CRIM1: variants seen among roughly 807,000 people sequenced by gnomAD.
CRIM1 encodes cysteine rich transmembrane BMP regulator 1.
In CRIM1, 32 loss-of-function variants were observed where a neutral mutation model predicts 116.4. That is an observed-to-expected ratio of 0.27 (90% CI 0.21 to 0.37). The LOEUF (loss-of-function observed/expected upper bound fraction) is 0.37, where lower values mean the gene tolerates loss of function less well. CRIM1 is among the 10% of genes least tolerant of loss of function. The probability of loss-of-function intolerance (pLI) is 1.00; values close to 1 mark genes in which losing one functional copy is unlikely to be tolerated. For synonymous variants in CRIM1, 590 were observed against 509.2 expected (o/e 1.16, Z -2.13); for missense variants, 1,331 against 1,354.8 (o/e 0.98, Z 0.28).
intron 1 of CRIM1, among the ~76,000 whole-genome samples, chr2:36,390,772 A>G (rs1671513279): frequency 6.6e-6 from 1 of 152,104 alleles, no homozygotes; most frequent in Non-Finnish European, 1.5e-5. Flanking sequence ...ATATACTGGT[A>G]AGACTTAACT....
Position 36,477,044 on chromosome 2 carries a change from G to C in CRIM1, c.1147G>C (p.Glu383Gln). ...EINCERYYVP[E>Q]GECCPVCEDP... ...AAACTGCGAGAGGTACTACGTGCCC[G>C]AAGGAGAGTGCTGCCCAGTGTGTGA... is the stretch of plus-strand genomic sequence containing the variant. Residue 383 changes from glutamate (E) to glutamine (Q), a missense_variant, in exon 6 of 17, where the codon GAA (glutamate) becomes CAA (glutamine). This residue lies in a region of CRIM1 where 690 missense variants were observed against 676.0 expected (regional missense o/e 1.02). Transcript: ENST00000280527. 1 of 1,613,600 alleles carries C rather than the reference G, an allele frequency of 6.2e-7. No homozygotes were observed. The highest frequency in any genetic ancestry group is 1.3e-5 in the African/African-American group (1 of 75,018).
At chr2:36,436,643 A>T (rs1675334388) in intron 2 of CRIM1, among the ~76,000 whole-genome samples, 1 of 152,326 alleles carries the variant, frequency 6.6e-6, no homozygotes, top group South Asian at 2.1e-4. Flanking sequence ...TATATGTAAT[A>T]AACAGAGGAT....
At chr2:36,423,073 A>T (rs1674190282) in intron 2 of CRIM1, among the ~76,000 whole-genome samples, 1 of 152,212 alleles carries the variant, frequency 6.6e-6, no homozygotes, top group East Asian at 1.9e-4. Context: ...AGTATTTTAC[A>T]GCTTTGTTTG....
intron 12 of CRIM1, among the ~76,000 whole-genome samples, chr2:36,517,894 CT>C (rs535742067): frequency 1.1e-4 from 17 of 152,132 alleles, no homozygotes; most frequent in Non-Finnish European, 1.6e-4. Context: ...GAAAAGTCAT[CT>C]TTATGTAACA....
chr2:36,537,942 G>A (rs1572958314), intron 14 of CRIM1, among the ~76,000 whole-genome samples: 1 of 152,170 alleles, frequency 6.6e-6, no homozygotes. Context: ...AAATATATTA[G>A]AACCAAAGTG....
chr2:36,537,637 C>T (rs896055036), intron 14 of CRIM1, 91 bp downstream of exon 14: 21 of 1,359,504 alleles, frequency 1.5e-5, no homozygotes, highest in East Asian at 1.0e-4. Context: ...TTCTTTCATT[C>T]GTTCACACGG....
chr2:36,475,873 A>G (rs1461878089), intron 5 of CRIM1, among the ~76,000 whole-genome samples: 1 of 152,206 alleles, frequency 6.6e-6, no homozygotes, highest in African/African-American at 2.4e-5. Context: ...GACATATCGT[A>G]TTAACATTAA....
chr2:36,410,575 A>G (rs370002281), intron 2 of CRIM1, among the ~76,000 whole-genome samples: 3 of 151,840 alleles, frequency 2.0e-5, no homozygotes, highest in East Asian at 3.9e-4. Context: ...ATGTGTGCCC[A>G]TGTTCTGTTA....
intron 8 of CRIM1, among the ~76,000 whole-genome samples, chr2:36,506,038 G>T (rs1681366593): frequency 1.3e-5 from 2 of 151,844 alleles, no homozygotes; most frequent in African/African-American, 4.8e-5. Flanking sequence ...GCTTATTCCA[G>T]TCCAGGGTTG....
At chr2:36,525,459 G>A (rs1665693163) in intron 13 of CRIM1, among the ~76,000 whole-genome samples, 1 of 152,182 alleles carries the variant, frequency 6.6e-6, no homozygotes, top group Non-Finnish European at 1.5e-5. Context: ...TGCCAGCTGT[G>A]CTTCATTGGC....
At chr2:36,425,912 TG>T (rs1373248339) in intron 2 of CRIM1, among the ~76,000 whole-genome samples, 2 of 152,228 alleles carry the variant, frequency 1.3e-5, no homozygotes, top group South Asian at 2.1e-4. Context: ...TGTCATGTAG[TG>T]GTTTGTCATT....
intron 2 of CRIM1, among the ~76,000 whole-genome samples, chr2:36,431,980 G>A (rs1263789383): frequency 6.6e-6 from 1 of 152,210 alleles, no homozygotes; most frequent in East Asian, 1.9e-4. Flanking sequence ...GTTCTAAAAT[G>A]GATGCCACCT....
At chr2:36,463,383 T>C (rs1317675526) in intron 4 of CRIM1, among the ~76,000 whole-genome samples, 1 of 152,254 alleles carries the variant, frequency 6.6e-6, no homozygotes, top group African/African-American at 2.4e-5. Flanking sequence ...AATTAATGAA[T>C]GTATTGATAG....
chr2:36,439,109 G>A, intron 2 of CRIM1, among the ~76,000 whole-genome samples: 1 of 152,190 alleles, frequency 6.6e-6, no homozygotes, highest in Admixed American at 6.5e-5. Context: ...TCCCCTGAGT[G>A]AGGCACAGGT....
At chr2:36,505,374 A>G (rs1681319921) in intron 8 of CRIM1, among the ~76,000 whole-genome samples, 2 of 149,912 alleles carry the variant, frequency 1.3e-5, no homozygotes, top group South Asian at 2.2e-4. Flanking sequence ...AGTTCCTACC[A>G]TATATTTCTG....
At chr2:36,433,624 T>C (rs1675069894) in intron 2 of CRIM1, among the ~76,000 whole-genome samples, 1 of 152,170 alleles carries the variant, frequency 6.6e-6, no homozygotes, top group African/African-American at 2.4e-5. Context: ...ATGCCCAGGC[T>C]CCTCCCCCAG....
Position 36,522,202 on chromosome 2 carries a change from A to T in CRIM1, c.2317A>T (p.Thr773Ser). 1 of 1,614,146 alleles carries T rather than the reference A, an allele frequency of 6.2e-7. No homozygotes were observed. Among genetic ancestry groups the T allele is most frequent in the Non-Finnish European group, 8.5e-7 (1 of 1,179,982 alleles). Residue 773 changes from threonine (T) to serine (S), a missense_variant, in exon 13 of 17, where the codon ACC becomes TCC. Thr to Ser is a moderately conservative substitution (Grantham distance 58). Transcript: ENST00000280527. ...AAESWKPDVCTSCICIDSVIS... is the reference protein window; with the variant it reads ...AAESWKPDVCSSCICIDSVIS... ...TGAGTCCTGGAAGCCTGACGTTTGT[A>T]CCAGCTGCATCTGCATTGATAGCGT...
chr2:36,364,475 TG>T (rs1669456979), intron 1 of CRIM1, among the ~76,000 whole-genome samples: 1 of 152,154 alleles, frequency 6.6e-6, no homozygotes, highest in South Asian at 2.1e-4. Context: ...ATAACGGAAA[TG>T]CCAAGCATGT....
chr2:36,443,190 G>C (rs1675992401), intron 4 of CRIM1, among the ~76,000 whole-genome samples: 1 of 152,222 alleles, frequency 6.6e-6, no homozygotes, highest in Non-Finnish European at 1.5e-5. Flanking sequence ...CTGAGGTCAA[G>C]AGGAGTCTTA....
Sources: gnomAD v4.1 joint callset for allele counts (sites outside exome capture counted in the v4.1 genomes callset) on GRCh38, gnomAD v4.1.1 for gene constraint, gnomAD v4.1.1 regional missense constraint, MANE v1.5 for transcripts, NCBI Gene and HGNC (gene_info 2026-07-23, HGNC 2026-07-21) for gene names.